UHRF1: variants seen among roughly 807,000 people sequenced by gnomAD.
The protein encoded by UHRF1 is E3 ubiquitin-protein ligase UHRF1.
Under a neutral mutation model 96.5 loss-of-function variants are expected in UHRF1, and 9 were observed. The observed-to-expected ratio is 0.09, with a 90% CI of 0.06 to 0.16. The LOEUF (loss-of-function observed/expected upper bound fraction) is 0.16. Among genes scored for constraint, UHRF1 ranks in the 10% least tolerant of loss-of-function variants. UHRF1 has a pLI of 1.00. For synonymous variants in UHRF1, 455 were observed against 469.9 expected (o/e 0.97, Z 0.41); for missense variants, 626 against 1,131.1 (o/e 0.55, Z 6.40).
intron 16 of UHRF1, among the ~76,000 whole-genome samples, chr19:4,959,272 G>A (rs1048591135): frequency 5.9e-5 from 9 of 152,020 alleles, no homozygotes; most frequent in African/African-American, 1.9e-4. Context: ...GGAGGTTGCA[G>A]TGAGCCAAGA....
intron 10 of UHRF1, among the ~76,000 whole-genome samples, chr19:4,946,795 C>T (rs546556519): frequency 2.5e-4 from 38 of 152,126 alleles, no homozygotes; most frequent in African/African-American, 7.2e-4. Context: ...AGGCTGATCT[C>T]GAACTCCTGG....
chr19:4,951,910 C>G (rs1013691596), intron 13 of UHRF1, among the ~76,000 whole-genome samples: 1 of 152,058 alleles, frequency 6.6e-6, no homozygotes, highest in Non-Finnish European at 1.5e-5. Flanking sequence ...TTACAGCAGA[C>G]GAATCGTGAG....
At chr19:4,916,518 C>T (rs552987417) in intron 2 of UHRF1, among the ~76,000 whole-genome samples, 2 of 152,216 alleles carry the variant, frequency 1.3e-5, no homozygotes, top group South Asian at 4.1e-4. Flanking sequence ...CTCACTGACC[C>T]CCGAAGTGCC....
At chr19:4,925,348 T>C (rs1384288466) in intron 2 of UHRF1, among the ~76,000 whole-genome samples, 1 of 152,142 alleles carries the variant, frequency 6.6e-6, no homozygotes, top group Non-Finnish European at 1.5e-5. Context: ...CCTGCCTCTG[T>C]GGCTTGGCCT....
Position 4,954,324 on chromosome 19 carries a change from C to T in UHRF1, c.1819-26C>T. On this transcript the variant is annotated intron_variant, in intron 13 of 16. Transcript: ENST00000650932. This position sits in a 1 kb window ranked among gnomAD's most constrained non-coding sequence, Gnocchi z 5.9. ...TAGCGTGTGGGCCCCAAGCCTGACT[C>T]ACGGCTGTCCCTCTTCCTCCTGAAG... 1 of 1,607,506 alleles carries T rather than the reference C, an allele frequency of 6.2e-7. No homozygotes were observed.
At chr19:4,934,850 T>C (rs2033170991) in intron 5 of UHRF1, among the ~76,000 whole-genome samples, 1 of 152,148 alleles carries the variant, frequency 6.6e-6, no homozygotes, top group Non-Finnish European at 1.5e-5. Flanking sequence ...GTCTGGGCCT[T>C]AAGCGCGTGG....
chr19:4,960,070 C>G (rs527878333), intron 16 of UHRF1, among the ~76,000 whole-genome samples: 3 of 151,988 alleles, frequency 2.0e-5, no homozygotes, highest in Non-Finnish European at 2.9e-5. Flanking sequence ...CCAGGCTGGT[C>G]TTGAACTCCT....
intron 4 of UHRF1, among the ~76,000 whole-genome samples, chr19:4,932,307 A>T (rs1345487991): frequency 6.6e-6 from 1 of 152,024 alleles, no homozygotes; most frequent in Non-Finnish European, 1.5e-5. Flanking sequence ...ACCTCAGGTG[A>T]TCTTCCCGCT....
Position 4,929,227 on chromosome 19 carries a change from G to A in UHRF1, c.159G>A (p.Glu53=), listed in dbSNP as rs2032969311. Reference sequence around the variant, plus strand: ...TGCCTCTGGTGTCCCTGCAGATGGAGGACGGCCATACCCTCTTCGACTACG... The same window carrying A: ...TGCCTCTGGTGTCCCTGCAGATGGAAGACGGCCATACCCTCTTCGACTACG... ...QRLFYRGKQM[E]DGHTLFDYEV... The change falls in exon 3 of 17, where the codon GAG becomes GAA. Residue 53 remains glutamate, a synonymous_variant. Transcript: ENST00000650932. 1 of 1,611,122 alleles carries A rather than the reference G, an allele frequency of 6.2e-7. No individual in the cohort carries two copies.
chr19:4,917,704 C>T (rs894632385), intron 2 of UHRF1, among the ~76,000 whole-genome samples: 11 of 147,340 alleles, frequency 7.5e-5, no homozygotes, highest in African/African-American at 2.0e-4. Flanking sequence ...GTCGTCCAGG[C>T]TGGAGTGCAG....
In UHRF1 at chr19:4,941,409, TA is replaced by T. The variant is rs1432457678; in HGVS notation, c.786-118del. The T allele has an allele frequency of 2.2e-4, 157 of 716,988 alleles. 2 individuals carry two copies. In the South Asian group the frequency reaches 2.6e-3, roughly 12 times the overall value. The allele number at this position is 716,988 out of a possible 1,614,324, so 44.4% of individuals were successfully genotyped here. ...CTTCTGTGAGTGCAGCTTTGATTGC[TA>T]GGGGGCGTAGCTGAGCTGTTGCCCC... On this transcript the variant is annotated intron_variant, in intron 5 of 16. Coordinates refer to ENST00000650932, the MANE Select transcript of UHRF1 (RefSeq NM_001048201.3).
At chr19:4,929,977 A>G (rs2032997055) in intron 3 of UHRF1, among the ~76,000 whole-genome samples, 1 of 149,092 alleles carries the variant, frequency 6.7e-6, no homozygotes, top group African/African-American at 2.5e-5. Flanking sequence ...ATTTTATTTT[A>G]TTTTATTACT....
At chr19:4,916,220 C>G (rs189654663) in intron 2 of UHRF1, among the ~76,000 whole-genome samples, 1 of 151,746 alleles carries the variant, frequency 6.6e-6, no homozygotes, top group African/African-American at 2.4e-5. Flanking sequence ...GTGGGAAGAT[C>G]ACTTGAGCCT....
At chr19:4,920,005 C>T (rs572330347) in intron 2 of UHRF1, among the ~76,000 whole-genome samples, 10 of 152,022 alleles carry the variant, frequency 6.6e-5, no homozygotes, top group East Asian at 5.9e-4. Context: ...TTAGTAGAGA[C>T]GGAGTTTCTC....
chr19:4,904,418 A>T (rs2032021272), intron 1 of UHRF1, among the ~76,000 whole-genome samples: 1 of 152,104 alleles, frequency 6.6e-6, no homozygotes, highest in Non-Finnish European at 1.5e-5. Context: ...TGACCTCGTG[A>T]TCCGCCCACC....
upstream of UHRF1, among the ~76,000 whole-genome samples, chr19:4,905,299 T>G (rs560457173): frequency 6.6e-6 from 1 of 150,524 alleles, no homozygotes; most frequent in South Asian, 2.1e-4. Context: ...TTTTGTATTT[T>G]TAGTAGAGAT....
chr19:4,934,482 C>G (rs1247374286), intron 5 of UHRF1, among the ~76,000 whole-genome samples: 7 of 152,212 alleles, frequency 4.6e-5, no homozygotes, highest in Non-Finnish European at 1.0e-4. Flanking sequence ...CCCCTGACAC[C>G]TCTGCATCCT....
intron 5 of UHRF1, among the ~76,000 whole-genome samples, chr19:4,938,938 A>G (rs1049563514): frequency 9.3e-5 from 14 of 149,954 alleles, no homozygotes; most frequent in African/African-American, 2.5e-4. Flanking sequence ...TGATGAGACA[A>G]AGTCTCGCTC....
chr19:4,954,862 G>A lies in UHRF1; in HGVS notation c.2130+40G>A, dbSNP rs2033815499. ...CTCACTCGTCGCCCTGATTTGCGTT[G>A]ACTGCGGTAAAATGTGTGGGGCTTG... On this transcript the variant is annotated intron_variant, in intron 15 of 16. Coordinates refer to ENST00000650932, the MANE Select transcript of UHRF1 (RefSeq NM_001048201.3). This position sits in a 1 kb window ranked among gnomAD's most constrained non-coding sequence, Gnocchi z 5.9. 1 of 1,606,424 alleles carries A rather than the reference G, an allele frequency of 6.2e-7. No individual in the cohort carries two copies. The highest frequency in any genetic ancestry group is 8.5e-7 in the Non-Finnish European group (1 of 1,175,900).
Sources: gnomAD v4.1 joint callset for allele counts (sites outside exome capture counted in the v4.1 genomes callset) on GRCh38, gnomAD v4.1.1 for gene constraint, Gnocchi (gnomAD v3.1) non-coding constraint, MANE v1.5 for transcripts, NCBI Gene and HGNC (gene_info 2026-07-23, HGNC 2026-07-21) for gene names.